Variants in PDZD2 observed in about 807,000 individuals in gnomAD.
PDZD2 encodes the protein PDZ domain-containing protein 2.
A neutral mutation model predicts 220.7 loss-of-function variants in PDZD2; 90 were observed. The ratio of observed to expected loss-of-function variants is 0.41; its 90% CI spans 0.34 to 0.49. PDZD2 has a LOEUF of 0.49. PDZD2 is among the 20% of genes least tolerant of loss of function. PDZD2 has a pLI of 0.28. For missense variants in PDZD2, 3,174 were observed against 3,608.5 expected, an observed-to-expected ratio of 0.88 and a Z score of 3.08; for synonymous variants, 1,375 against 1,450.5, an observed-to-expected ratio of 0.95 and a Z score of 1.18.
chr5:31,869,378 C>T (rs953791040), intron 2 of PDZD2, among the ~76,000 whole-genome samples: 1 of 152,034 alleles, frequency 6.6e-6, no homozygotes, highest in Non-Finnish European at 1.5e-5. Flanking sequence ...CCTCCCCCAC[C>T]CCTTGGAACA....
chr5:31,893,162 G>A (rs1443264006), intron 2 of PDZD2, among the ~76,000 whole-genome samples: 1 of 152,218 alleles, frequency 6.6e-6, no homozygotes, highest in African/African-American at 2.4e-5. Context: ...AGGGTTGTTT[G>A]TGTAGGCCTT....
chr5:31,805,211 T>C (rs1343142551), intron 2 of PDZD2, among the ~76,000 whole-genome samples: 1 of 152,128 alleles, frequency 6.6e-6, no homozygotes, highest in Non-Finnish European at 1.5e-5. Flanking sequence ...ATAAATAAAA[T>C]AAAAGGAAGC....
intron 2 of PDZD2, among the ~76,000 whole-genome samples, chr5:31,870,642 C>G (rs1442731352): frequency 6.6e-6 from 1 of 152,098 alleles, no homozygotes; most frequent in Non-Finnish European, 1.5e-5. Context: ...AATCCCAGCA[C>G]TTTGGGAGGG....
At chr5:31,899,691 A>G (rs897270160) in intron 2 of PDZD2, among the ~76,000 whole-genome samples, 1 of 152,180 alleles carries the variant, frequency 6.6e-6, no homozygotes, top group Non-Finnish European at 1.5e-5. Context: ...CCTAACCCTC[A>G]AGGTGGTGGT....
intron 2 of PDZD2, among the ~76,000 whole-genome samples, chr5:31,936,944 T>C (rs924614088): frequency 1.3e-5 from 2 of 152,198 alleles, no homozygotes; most frequent in Admixed American, 1.3e-4. Flanking sequence ...GTGTGAATCC[T>C]GAATATTTGT....
chr5:32,011,528 G>T (rs189582850), intron 6 of PDZD2, among the ~76,000 whole-genome samples: 1 of 152,064 alleles, frequency 6.6e-6, no homozygotes, highest in East Asian at 1.9e-4. Flanking sequence ...AGGCTCTGTG[G>T]TCTCTTCTTT....
intron 3 of PDZD2, among the ~76,000 whole-genome samples, chr5:31,986,233 G>T (rs1178881393): frequency 6.6e-6 from 1 of 151,962 alleles, no homozygotes. Context: ...TTGCCTTTAG[G>T]GCATTTTTTT....
At chr5:32,048,707 T>C (rs1738223755) in intron 8 of PDZD2, 23 bp downstream of exon 8, 1 of 1,612,788 alleles carries the variant, frequency 6.2e-7, no homozygotes. Flanking sequence ...CTGTGGATCT[T>C]TTCAAAGACC....
At chr5:32,022,869 A>G (rs1284950177) in intron 6 of PDZD2, among the ~76,000 whole-genome samples, 1 of 152,190 alleles carries the variant, frequency 6.6e-6, no homozygotes, top group Non-Finnish European at 1.5e-5. Context: ...TGACAGGGTC[A>G]GAGTTTTTAA....
chr5:32,027,977 G>T (rs1250207917), intron 6 of PDZD2, among the ~76,000 whole-genome samples: 2 of 152,156 alleles, frequency 1.3e-5, no homozygotes, highest in Non-Finnish European at 2.9e-5. Context: ...ACACTGACCG[G>T]GGAATGAGCC....
chr5:31,919,410 G>A (rs1027808127), intron 2 of PDZD2, among the ~76,000 whole-genome samples: 5 of 150,942 alleles, frequency 3.3e-5, no homozygotes, highest in Non-Finnish European at 4.4e-5. Context: ...GCGGCGGTAC[G>A]ATCTTGGCTC....
At chr5:31,820,779 G>A (rs1228734035) in intron 2 of PDZD2, 6 of 152,032 alleles carry the variant, frequency 3.9e-5, no homozygotes, top group Non-Finnish European at 8.8e-5. Context: ...TACCAATAAT[G>A]TATGAATGCC....
intron 1 of PDZD2, among the ~76,000 whole-genome samples, chr5:31,736,369 G>A (rs1014518134): frequency 2.0e-5 from 3 of 152,166 alleles, no homozygotes; most frequent in African/African-American, 7.2e-5. Flanking sequence ...GGACCTGTTG[G>A]CTTGACCTAG....
In PDZD2 at chr5:32,072,153, T is replaced by C. The variant is rs1242991522; in HGVS notation, c.2569-8T>C. On this transcript the variant is annotated splice_region_variant and splice_polypyrimidine_tract_variant and intron_variant, in intron 16 of 24. Transcript: ENST00000438447. ...TTCTTAGTTATCGGATGTTTTCTTC[T>C]TCAACAGGACTCCCTTATTTCTGAA... 6.3e-7 allele frequency: 1 copy of C among 1,597,994 alleles called. No homozygotes were observed. Among genetic ancestry groups the C allele is most frequent in the African/African-American group, 1.3e-5 (1 of 74,384 alleles).
chr5:31,650,878 C>T (rs572396824), intron 1 of PDZD2, among the ~76,000 whole-genome samples: 2 of 152,312 alleles, frequency 1.3e-5, no homozygotes, highest in South Asian at 2.1e-4. Context: ...AGGGTGAGAG[C>T]ATGGACTCCA....
In PDZD2 at chr5:32,039,261, C is replaced by A. The variant is rs138908893; in HGVS notation, c.1519+1919C>A. The stretch of plus-strand genomic sequence containing the variant: ...CCTGGGATTCCAGGCACTGCGCCCC[C>A]ACTCCTGATTGGTTTTTGTATTTTT... On this transcript the variant is annotated intron_variant, in intron 7 of 24. Coordinates refer to ENST00000438447, the MANE Select transcript of PDZD2 (RefSeq NM_178140.4). Among the ~76,000 whole-genome samples the A allele has an allele frequency of 8.0e-4, 121 of 151,270 alleles. 8 individuals are homozygous for A. In the East Asian group the frequency reaches 0.018, roughly 23 times the overall value.
At chr5:32,079,175 C>T (rs1174875475) in intron 19 of PDZD2, among the ~76,000 whole-genome samples, 1 of 147,784 alleles carries the variant, frequency 6.8e-6, no homozygotes, top group Non-Finnish European at 1.5e-5. Context: ...ACGAGAATTG[C>T]TTGAACCCAG....
intron 5 of PDZD2, among the ~76,000 whole-genome samples, chr5:32,007,583 G>A (rs1752932382): frequency 6.6e-6 from 1 of 152,154 alleles, no homozygotes; most frequent in South Asian, 2.1e-4. Context: ...CATCACTGTC[G>A]CTAGATGCCA....
intron 1 of PDZD2, among the ~76,000 whole-genome samples, chr5:31,710,011 A>G (rs529543339): frequency 4.6e-5 from 7 of 152,346 alleles, no homozygotes; most frequent in African/African-American, 1.7e-4. Context: ...AAAAGGAGCC[A>G]CTTTTGGAGA....
Sources: gnomAD v4.1 joint callset for allele counts (sites outside exome capture counted in the v4.1 genomes callset) on GRCh38, gnomAD v4.1.1 for gene constraint, MANE v1.5 for transcripts, NCBI Gene and HGNC (gene_info 2026-07-23, HGNC 2026-07-21) for gene names.